The following SLC24A2 variants were observed in gnomAD, a reference collection of about 807,000 sequenced individuals.
SLC24A2 encodes the protein solute carrier family 24 member 2.
In SLC24A2, 36 loss-of-function variants were observed where a neutral mutation model predicts 62.0. That is an observed-to-expected ratio of 0.58 (90% confidence interval 0.44 to 0.77). SLC24A2 has a LOEUF of 0.77. Ranked by LOEUF, SLC24A2 falls within the 30% of genes least tolerant of loss-of-function variation. SLC24A2 has a pLI of 0.00. For missense variants in SLC24A2, 846 were observed against 817.9 expected (o/e 1.03, Z -0.42); for synonymous variants, 358 against 294.0 (o/e 1.22, Z -2.23).
the SLC24A2 span, among the ~76,000 whole-genome samples, chr9:20,036,051 A>G: frequency 6.6e-6 from 1 of 152,214 alleles, no homozygotes; most frequent in South Asian, 2.1e-4. Flanking sequence ...ATATGGGGAG[A>G]GAATGAAATG....
At chr9:20,265,368 G>C in the SLC24A2 span, among the ~76,000 whole-genome samples, 2 of 152,180 alleles carry the variant, frequency 1.3e-5, no homozygotes, top group African/African-American at 2.4e-5. Context: ...CTGAAACCAT[G>C]GCGGAAGAAC....
Position 19,576,604 on chromosome 9 carries a change from T to G in SLC24A2, c.1228+320A>C, listed in dbSNP as rs540163170. 7.2e-5 allele frequency among the ~76,000 whole-genome samples: 11 copies of G among 152,318 alleles called. No homozygotes were observed. In the South Asian group the frequency reaches 2.3e-3, roughly 32 times the overall value. On this transcript the variant is annotated intron_variant, in intron 6 of 10. Transcript: ENST00000341998. ...TGCGTGTATGCGTGTGCATGTATCC[T>G]GTTTATGTGGAATCCCTGAAATACA...
chr9:20,275,049 A>G, the SLC24A2 span, among the ~76,000 whole-genome samples: 1 of 151,538 alleles, frequency 6.6e-6, no homozygotes. Flanking sequence ...AGGCCTGGCC[A>G]GGGAGCTAAG....
At chr9:19,619,758 T>C in intron 3 of SLC24A2, 66 bp from the exon 4 acceptor site, 1 of 1,202,102 alleles carries the variant, frequency 8.3e-7, no homozygotes, top group Non-Finnish European at 1.2e-6. Context: ...ATAGACAAGA[T>C]CCTCACCTAG....
intron 2 of SLC24A2, among the ~76,000 whole-genome samples, chr9:19,743,168 C>T (rs1323412796): frequency 3.3e-5 from 5 of 152,192 alleles, no homozygotes; most frequent in Admixed American, 3.3e-4. Flanking sequence ...ATTGGTTCCA[C>T]TGTCTGCATC....
chr9:20,043,431 G>A, the SLC24A2 span, among the ~76,000 whole-genome samples: 1 of 152,182 alleles, frequency 6.6e-6, no homozygotes, highest in Non-Finnish European at 1.5e-5. Flanking sequence ...CATAGATAGT[G>A]ATTCTCTCTG....
chr9:20,145,468 T>G, the SLC24A2 span, among the ~76,000 whole-genome samples: 1 of 152,038 alleles, frequency 6.6e-6, no homozygotes, highest in Non-Finnish European at 1.5e-5. Context: ...CAACAGTGAA[T>G]AGTAATTTAT....
At chr9:20,140,221 G>A in the SLC24A2 span, among the ~76,000 whole-genome samples, 1 of 152,220 alleles carries the variant, frequency 6.6e-6, no homozygotes, top group South Asian at 2.1e-4. Flanking sequence ...AGCTACTGAA[G>A]CTGACTCAGG....
rs1011253113 is a variant in SLC24A2, at chr9:19,507,703, T to G, written c.*8450A>C. On this transcript the variant is annotated 3_prime_UTR_variant, in exon 11 of 11. Coordinates refer to ENST00000341998, the MANE Select transcript of SLC24A2 (RefSeq NM_020344.4). ...ATTCACAGAGAATAAACTGACATAG[T>G]ATCACCATGTATCTCATCATCCAGT... 9 of 152,224 alleles carry G rather than the reference T, an allele frequency of 5.9e-5. No individual in the cohort carries two copies. The highest frequency in any genetic ancestry group is 2.2e-4 in the African/African-American group (9 of 41,464). 9.4% of individuals were successfully genotyped at this position (152,224 alleles called of 1,614,324 possible).
the SLC24A2 span, among the ~76,000 whole-genome samples, chr9:20,294,242 C>T: frequency 2.0e-5 from 3 of 152,088 alleles, no homozygotes; most frequent in African/African-American, 7.2e-5. Context: ...GACCCTCTTT[C>T]CTGAATGCAG....
chr9:19,591,617 A>C (rs181504785), intron 5 of SLC24A2, among the ~76,000 whole-genome samples: 3 of 152,334 alleles, frequency 2.0e-5, no homozygotes, highest in Admixed American at 2.0e-4. Context: ...CCTTCCAAGA[A>C]TACAGACGTG....
intron 2 of SLC24A2, among the ~76,000 whole-genome samples, chr9:19,760,943 T>C (rs1218790673): frequency 6.6e-6 from 1 of 151,828 alleles, no homozygotes; most frequent in East Asian, 2.0e-4. Flanking sequence ...GGGTTAGCAT[T>C]AGGAGATACA....
At chr9:19,764,241 T>C (rs1049432912) in intron 2 of SLC24A2, among the ~76,000 whole-genome samples, 2 of 152,200 alleles carry the variant, frequency 1.3e-5, no homozygotes, top group African/African-American at 2.4e-5. Context: ...CTATCTACTT[T>C]GTTAATCTTT....
chr9:20,298,898 C>T, the SLC24A2 span, among the ~76,000 whole-genome samples: 1 of 152,218 alleles, frequency 6.6e-6, no homozygotes. Context: ...TTGGGGCAGA[C>T]TGAGGCTCAT....
At chr9:19,544,254 G>GT (rs1586927979) in intron 8 of SLC24A2, among the ~76,000 whole-genome samples, 5 of 12,018 alleles carry the variant, frequency 4.2e-4, no homozygotes, top group Non-Finnish European at 6.8e-4. Flanking sequence ...TGCAACCCCT[G>GT]CTTTTTTTTT....
At chr9:19,656,972 A>G (rs1818960442) in intron 2 of SLC24A2, among the ~76,000 whole-genome samples, 1 of 152,132 alleles carries the variant, frequency 6.6e-6, no homozygotes, top group Non-Finnish European at 1.5e-5. Flanking sequence ...GCTCCTGGGT[A>G]CCTGCCTTCT....
chr9:19,607,592 G>A (rs1837024490), intron 4 of SLC24A2, among the ~76,000 whole-genome samples: 2 of 152,040 alleles, frequency 1.3e-5, no homozygotes, highest in African/African-American at 2.4e-5. Flanking sequence ...AGTGGTGCAT[G>A]CCTGTAATCA....
chr9:19,598,007 T>C (rs1836745773), intron 4 of SLC24A2, among the ~76,000 whole-genome samples: 4 of 152,036 alleles, frequency 2.6e-5, no homozygotes, highest in Admixed American at 2.6e-4. Flanking sequence ...ATCAATGGAC[T>C]CCCCCTATAA....
At chr9:19,639,733 G>A (rs1208273132) in intron 2 of SLC24A2, among the ~76,000 whole-genome samples, 1 of 152,370 alleles carries the variant, frequency 6.6e-6, no homozygotes, top group Middle Eastern at 3.4e-3. Context: ...GGGAAACTGA[G>A]ACAGACACAT....
Sources: allele counts gnomAD v4.1 joint callset (sites outside exome capture counted in the v4.1 genomes callset), GRCh38; gene constraint gnomAD v4.1.1; transcripts MANE v1.5; gene names NCBI Gene and HGNC (gene_info 2026-07-23, HGNC 2026-07-21).